SNAPC4: variants seen among roughly 807,000 people sequenced by gnomAD.
The protein encoded by SNAPC4 is snRNA-activating protein complex subunit 4.
In SNAPC4, 127 loss-of-function variants were observed where a neutral mutation model predicts 151.3. The ratio of observed to expected loss-of-function variants is 0.84; its 90% CI spans 0.73 to 0.97. SNAPC4 has a LOEUF of 0.97. SNAPC4 is among the 50% of genes least tolerant of loss of function. The pLI is 0.00. For missense variants in SNAPC4, 2,186 were observed against 1,935.0 expected, an observed-to-expected ratio of 1.13 and a Z score of -2.43; for synonymous variants, 1,002 against 824.4, an observed-to-expected ratio of 1.22 and a Z score of -3.69.
chr9:136,391,483 C>G (rs552097166), intron 10 of SNAPC4, among the ~76,000 whole-genome samples: 1 of 152,158 alleles, frequency 6.6e-6, no homozygotes, highest in African/African-American at 2.4e-5. Flanking sequence ...GAAGAGTTCA[C>G]GCCAAGCTAC....
Position 136,377,609 on chromosome 9 carries a change from C to A in SNAPC4, c.4218G>T (p.Leu1406=). 1 of 1,555,680 alleles carries A rather than the reference C, an allele frequency of 6.4e-7. No individual in the cohort carries two copies. Residue 1406 remains leucine, a synonymous_variant, in exon 22 of 24, where the codon CTG becomes CTT. Transcript: ENST00000684778. ...VGSESEDEDL[L]SELELADRDG... is the part of the protein sequence containing the mutation. ...CCCTGTCTGCAAGTTCCAGCTCACT[C>A]AGGAGGTCTTCATCCTCACTCTCAG...
In SNAPC4 at chr9:136,391,981, G is replaced by A. The variant is rs376865284; in HGVS notation, c.936C>T (p.His312=). 7.5e-6 allele frequency: 12 copies of A among 1,607,576 alleles called. No individual in the cohort carries two copies. In the African/African-American group the frequency reaches 9.3e-5, roughly 13 times the overall value. Residue 312 remains histidine, a synonymous_variant, in exon 10 of 24, where the codon CAC becomes CAT. Coordinates refer to ENST00000684778, the MANE Select transcript of SNAPC4 (RefSeq NM_003086.4). ...EERLQAIAAA[H]GHLEWQKIAE... ...CAATCTTCTGCCACTCCAGGTGGCC[G>A]TGTGCAGCCGCGATCGCCTGCAGCC...
At position 136,378,567 on chromosome 9, in the gene SNAPC4, GGGAGAAGCCCCT is replaced by G; in HGVS notation, c.3248_3259del (p.Gln1083_Leu1086del). On this transcript the variant is annotated inframe_deletion, in exon 22 of 24. Transcript: ENST00000684778. ...GCTCACCACAGCTGGTACAGGAACAGGGAGAAGCCCCTGGGCTGTGAGCACCCAGGTGACAGG... is the reference window on the plus strand; with the variant it reads ...GCTCACCACAGCTGGTACAGGAACAGGGGCTGTGAGCACCCAGGTGACAGG... The G allele has an allele frequency of 6.3e-7, 1 of 1,591,892 alleles. No individual in the cohort carries two copies. The highest frequency in any genetic ancestry group is 2.3e-5 in the East Asian group (1 of 44,212).
At position 136,379,824 on chromosome 9, in the gene SNAPC4, G is replaced by C. The variant is rs1833622508; in HGVS notation, c.2527+13C>G. 5.0e-6 allele frequency: 8 copies of C among 1,612,984 alleles called. No homozygotes were observed. Among genetic ancestry groups the C allele is most frequent in the Non-Finnish European group, 6.8e-6 (8 of 1,179,456 alleles). On this transcript the variant is annotated intron_variant, in intron 21 of 23. Coordinates refer to ENST00000684778, the MANE Select transcript of SNAPC4 (RefSeq NM_003086.4). ...TAGGTCTCTTCCCCACCAGGGCAGA[G>C]AAGCAGAGTTACCTGGGGTGCTCTG... is the stretch of plus-strand genomic sequence containing the variant.
At chr9:136,379,320 C>T in intron 21 of SNAPC4, 21 bp from the exon 22 acceptor site, 1 of 1,611,806 alleles carries the variant, frequency 6.2e-7, no homozygotes. Context: ...GAAAGACCCA[C>T]ACTTGATAAG....
rs529891893 is a variant in SNAPC4, at chr9:136,383,857, G to A, written c.1500+96C>T. 369 of 1,333,256 alleles carry A rather than the reference G, an allele frequency of 2.8e-4. No homozygotes were observed. The highest frequency in any genetic ancestry group is 4.2e-4 in the Middle Eastern group (2 of 4,728). The allele number at this position is 1,333,256 out of a possible 1,614,324, so 82.6% of individuals were successfully genotyped here. A position where few individuals can be genotyped will look rare whatever the true frequency, so the allele number is the denominator to read the frequency against. On this transcript the variant is annotated intron_variant, in intron 15 of 23. Coordinates refer to ENST00000684778, the MANE Select transcript of SNAPC4 (RefSeq NM_003086.4). The surrounding 1 kb of genome is among the most constrained non-coding windows in gnomAD (Gnocchi z 4.2). ...AGAAGAAATGCCAAGACCAGAAACC[G>A]AACGCCCCCCTCCCCTCCCCTCCTC... is the stretch of plus-strand genomic sequence containing the variant.
intron 19 of SNAPC4, 21 bp from the exon 20 acceptor site, chr9:136,380,871 C>A (rs2131463496): frequency 2.1e-6 from 3 of 1,433,110 alleles, no homozygotes; most frequent in Middle Eastern, 1.7e-4. Flanking sequence ...CAGGAGGCAA[C>A]CTAACCATAG....
rs144652680 is a variant in SNAPC4 at position 136,376,367 on chromosome 9, G to A, written c.4399C>T (p.Arg1467Trp). ...GACTCACCTGCTGCTCACACCAGCC[G>A]CCTCCGCTTCCGGGTGTGCCTGGCA... ...RHARHTRKRR[R>W]LV The change falls in exon 23 of 24, where the codon CGG becomes TGG. Residue 1467 changes from arginine to tryptophan, a missense_variant. By Grantham distance (101) the Arg-to-Trp change is moderately radical. Coordinates refer to ENST00000684778, the MANE Select transcript of SNAPC4 (RefSeq NM_003086.4). The A allele has an allele frequency of 1.9e-5, 30 of 1,613,056 alleles. No individual in the cohort carries two copies. Among genetic ancestry groups the A allele is most frequent in the Admixed American group, 3.3e-5 (2 of 59,998 alleles).
chr9:136,391,878 TC>T (rs1303442513), intron 10 of SNAPC4, 63 bp downstream of exon 10: 1 of 1,535,612 alleles, frequency 6.5e-7, no homozygotes, highest in Non-Finnish European at 8.8e-7. Context: ...TCCAGCAGCC[TC>T]CCGCTATAGG....
chr9:136,388,231 C>A (rs1344873018), intron 11 of SNAPC4, among the ~76,000 whole-genome samples: 8 of 149,040 alleles, frequency 5.4e-5, no homozygotes, highest in African/African-American at 2.0e-4. Flanking sequence ...CATGGCGTTG[C>A]ACTCCATCCT....
intron 10 of SNAPC4, among the ~76,000 whole-genome samples, chr9:136,390,766 A>G (rs956566974): frequency 6.6e-6 from 1 of 152,080 alleles, no homozygotes; most frequent in Non-Finnish European, 1.5e-5. Flanking sequence ...CCCCGATTAA[A>G]AAAAGTTATG....
chr9:136,376,877 T>C (rs1391710308), intron 22 of SNAPC4, among the ~76,000 whole-genome samples: 1 of 152,060 alleles, frequency 6.6e-6, no homozygotes, highest in African/African-American at 2.4e-5. Context: ...TGGGGAGAGA[T>C]GGAAGGCCCT....
intron 16 of SNAPC4, 135 bp from the exon 17 acceptor site, chr9:136,382,471 A>G (rs76313736): frequency 0.028 from 20,676 of 750,300 alleles, 426 homozygotes; most frequent in Middle Eastern, 0.09. Context: ...GCTCTGCCTC[A>G]TGGGAACGTC....
Position 136,376,366 on chromosome 9 carries a change from C to T in SNAPC4, c.4400G>A (p.Arg1467Gln), listed in dbSNP as rs200723535. 117 of 1,613,190 alleles carry T rather than the reference C, an allele frequency of 7.3e-5. 1 individual carries two copies. The South Asian group carries it at 8.0e-4, about 11-fold the overall frequency. The change falls in exon 23 of 24, where the codon CGG becomes CAG. Residue 1467 changes from arginine (R) to glutamine (Q), a missense_variant. Physicochemically the swap from Arg to Gln is conservative, Grantham distance 43. Coordinates refer to ENST00000684778, the MANE Select transcript of SNAPC4 (RefSeq NM_003086.4). ...RHARHTRKRR[R>Q]LV ...GGACTCACCTGCTGCTCACACCAGCCGCCTCCGCTTCCGGGTGTGCCTGGC... is the reference window on the plus strand; with the variant it reads ...GGACTCACCTGCTGCTCACACCAGCTGCCTCCGCTTCCGGGTGTGCCTGGC...
At chr9:136,391,394 A>C (rs1834068909) in intron 10 of SNAPC4, among the ~76,000 whole-genome samples, 1 of 152,208 alleles carries the variant, frequency 6.6e-6, no homozygotes, top group Non-Finnish European at 1.5e-5. Flanking sequence ...TAAAAACGGA[A>C]ACATACACTC....
intron 20 of SNAPC4, among the ~76,000 whole-genome samples, chr9:136,380,070 C>T (rs1349705221): frequency 3.3e-5 from 5 of 152,222 alleles, no homozygotes; most frequent in Non-Finnish European, 5.9e-5. Flanking sequence ...CCAGTGGCTA[C>T]GGCACAGAGC....
At chr9:136,390,638 G>A (rs1834038173) in intron 10 of SNAPC4, among the ~76,000 whole-genome samples, 1 of 149,966 alleles carries the variant, frequency 6.7e-6, no homozygotes, top group Non-Finnish European at 1.5e-5. Context: ...GTGATGGGCT[G>A]ATCTATGCAA....
intron 10 of SNAPC4, among the ~76,000 whole-genome samples, chr9:136,389,027 T>A (rs1833982698): frequency 1.3e-5 from 2 of 151,894 alleles, no homozygotes; most frequent in African/African-American, 2.4e-5. Context: ...AGCTAAGGGG[T>A]ATGGGGTGGA....
rs756302496 is a variant in SNAPC4, at chr9:136,379,820, C to A, written c.2527+17G>T. On this transcript the variant is annotated intron_variant, in intron 21 of 23. Coordinates refer to ENST00000684778, the MANE Select transcript of SNAPC4 (RefSeq NM_003086.4). ...AGGTTAGGTCTCTTCCCCACCAGGG[C>A]AGAGAAGCAGAGTTACCTGGGGTGC... is the stretch of plus-strand genomic sequence containing the variant. 9 of 1,611,538 alleles carry A rather than the reference C, an allele frequency of 5.6e-6. No individual in the cohort carries two copies. Among genetic ancestry groups the A allele is most frequent in the Non-Finnish European group, 6.8e-6 (8 of 1,178,368 alleles).
Sources: gnomAD v4.1 joint callset for allele counts (sites outside exome capture counted in the v4.1 genomes callset) on GRCh38, gnomAD v4.1.1 for gene constraint, Gnocchi (gnomAD v3.1) non-coding constraint, MANE v1.5 for transcripts, NCBI Gene and HGNC (gene_info 2026-07-23, HGNC 2026-07-21) for gene names.